TTC29: variants seen among roughly 807,000 people sequenced by gnomAD.
TTC29 encodes tetratricopeptide repeat domain 29.
In TTC29, 49 loss-of-function variants were observed where a neutral mutation model predicts 58.1. The ratio of observed to expected loss-of-function variants is 0.84; its 90% CI spans 0.67 to 1.07. The LOEUF is 1.07. TTC29 is among the 50% of genes least tolerant of loss of function. TTC29 has a pLI of 0.00. For synonymous variants in TTC29, 209 were observed against 196.8 expected, an observed-to-expected ratio of 1.06 and a Z score of -0.52; for missense variants, 582 against 555.6, an observed-to-expected ratio of 1.05 and a Z score of -0.48.
At chr4:146,876,447 T>G (rs1340005168) in intron 6 of TTC29, among the ~76,000 whole-genome samples, 1 of 152,232 alleles carries the variant, frequency 6.6e-6, no homozygotes, top group Non-Finnish European at 1.5e-5. Context: ...AGACTCAATA[T>G]CTTTCCTCAA....
At chr4:146,802,841 G>A (rs1349565804) in intron 11 of TTC29, among the ~76,000 whole-genome samples, 1 of 152,078 alleles carries the variant, frequency 6.6e-6, no homozygotes, top group East Asian at 1.9e-4. Context: ...CCATTCTAAA[G>A]TTCTTAACTG....
intron 11 of TTC29, among the ~76,000 whole-genome samples, chr4:146,717,942 G>C (rs1743059861): frequency 6.7e-6 from 1 of 149,140 alleles, no homozygotes. Flanking sequence ...CTGCTTCTTT[G>C]AGTTAGATTA....
Position 146,872,858 on chromosome 4 carries a change from A to AC in TTC29, c.799+1857dup, listed in dbSNP as rs138539953. On this transcript the variant is annotated intron_variant, in intron 7 of 12. Transcript: ENST00000325106. ...ATAAGTTGAACACAGTTATCATATA[A>AC]CCCAGCGATGCCACTCCTAAGCATA... is the stretch of plus-strand genomic sequence containing the variant. 7.3e-3 allele frequency among the ~76,000 whole-genome samples: 1,109 copies of AC among 152,186 alleles called. 15 individuals carry two copies. The highest frequency in any genetic ancestry group is 0.026 in the African/African-American group (1,061 of 41,548).
At chr4:146,820,015 C>A in intron 10 of TTC29, 110 bp downstream of exon 10, 2 of 1,434,260 alleles carry the variant, frequency 1.4e-6, no homozygotes, top group South Asian at 1.2e-5. Flanking sequence ...GGCCATTCTG[C>A]ATAATATATT....
intron 8 of TTC29, among the ~76,000 whole-genome samples, chr4:146,852,906 T>C (rs1372470809): frequency 6.6e-6 from 1 of 152,216 alleles, no homozygotes; most frequent in Non-Finnish European, 1.5e-5. Flanking sequence ...TTATAATTTA[T>C]ATGATTATTT....
In TTC29 at chr4:146,803,485, T is replaced by A. The variant is rs1045095994; in HGVS notation, c.1302A>T (p.Arg434Ser). 1 of 1,591,758 alleles carries A rather than the reference T, an allele frequency of 6.3e-7. No homozygotes were observed. The highest frequency in any genetic ancestry group is 2.3e-5 in the East Asian group (1 of 44,392). ...LNYLLSWKES[R>S]GNIEPDPVTE... ...TAACTGGATCAGGTTCAATGTTACC[T>A]CTGCTCTCCTTCCATGACAGCAGGT... Residue 434 changes from arginine (R) to serine (S), a missense_variant, in exon 11 of 13, where the codon AGA (arginine) becomes AGT (serine). Physicochemically the swap from Arg to Ser is moderately radical, Grantham distance 110. Coordinates refer to ENST00000325106, the MANE Select transcript of TTC29 (RefSeq NM_031956.4).
At chr4:146,760,865 CTA>C (rs34185770) in intron 11 of TTC29, among the ~76,000 whole-genome samples, 6,704 of 85,642 alleles carry the variant, frequency 0.078, 201 homozygotes, top group African/African-American at 0.11. Context: ...TGATGGAATA[CTA>C]TATATATATA....
intron 11 of TTC29, among the ~76,000 whole-genome samples, chr4:146,723,827 C>T (rs1743561988): frequency 6.6e-6 from 1 of 152,182 alleles, no homozygotes; most frequent in African/African-American, 2.4e-5. Flanking sequence ...GGAGATTCCT[C>T]AGAGAACTGA....
intron 6 of TTC29, among the ~76,000 whole-genome samples, chr4:146,876,038 T>C (rs1731233823): frequency 6.6e-6 from 1 of 152,162 alleles, no homozygotes; most frequent in Non-Finnish European, 1.5e-5. Flanking sequence ...CCAACCATAG[T>C]GGTTAAGAGT....
chr4:146,846,503 T>A (rs1729180754), intron 8 of TTC29, among the ~76,000 whole-genome samples: 1 of 152,172 alleles, frequency 6.6e-6, no homozygotes, highest in African/African-American at 2.4e-5. Flanking sequence ...TCCTGATAAG[T>A]ACCAAAATGA....
intron 10 of TTC29, among the ~76,000 whole-genome samples, chr4:146,805,835 C>T (rs4835339): frequency 0.062 from 9,491 of 152,098 alleles, 396 homozygotes; most frequent in Admixed American, 0.13. Context: ...ATGGGAGCAC[C>T]TCCCCAACCT....
intron 11 of TTC29, among the ~76,000 whole-genome samples, chr4:146,800,266 A>G (rs1750120443): frequency 6.6e-6 from 1 of 152,216 alleles, no homozygotes; most frequent in African/African-American, 2.4e-5. Flanking sequence ...TTTCATCTAG[A>G]GACCTGAATG....
At position 146,767,087 on chromosome 4, in the gene TTC29, C is replaced by T. The variant is rs563542884; in HGVS notation, c.1330+36370G>A. On this transcript the variant is annotated intron_variant, in intron 11 of 12. Transcript: ENST00000325106. ...TAGGTTTCCTTCGTAACACATGTCACTTCTAGCATTTGACATGAGAAAAGA... is the reference window on the plus strand; with the variant it reads ...TAGGTTTCCTTCGTAACACATGTCATTTCTAGCATTTGACATGAGAAAAGA... Among the ~76,000 whole-genome samples the T allele has an allele frequency of 3.3e-5, 5 of 152,146 alleles. No individual in the cohort carries two copies. The South Asian group carries it at 1.0e-3, about 32-fold the overall frequency.
At chr4:146,831,261 T>C (rs1728136976) in intron 9 of TTC29, among the ~76,000 whole-genome samples, 1 of 152,154 alleles carries the variant, frequency 6.6e-6, no homozygotes. Context: ...TGGGAATTCT[T>C]TTTTTAATTA....
rs559208272 is a variant in TTC29 at position 146,726,277 on chromosome 4, A to C, written c.1331-18726T>G. Reference sequence around the variant, plus strand: ...CAGACCAGCCTGGACAAATGGTGAAATCCTGTCTTTACCAAAAATTCAAAA... The same window carrying C: ...CAGACCAGCCTGGACAAATGGTGAACTCCTGTCTTTACCAAAAATTCAAAA... On this transcript the variant is annotated intron_variant, in intron 11 of 12. Transcript: ENST00000325106. Among the ~76,000 whole-genome samples, 11 of 152,182 alleles carry C rather than the reference A, an allele frequency of 7.2e-5. No homozygotes were observed. The South Asian group carries it at 2.3e-3, about 32-fold the overall frequency.
chr4:146,770,103 C>T (rs62328019), intron 11 of TTC29, among the ~76,000 whole-genome samples: 9,755 of 151,862 alleles, frequency 0.064, 435 homozygotes, highest in South Asian at 0.17. Flanking sequence ...TCCTTAGGCT[C>T]ACTTGGGGAA....
At chr4:146,924,796 C>A (rs1411402692) in intron 4 of TTC29, among the ~76,000 whole-genome samples, 1 of 151,778 alleles carries the variant, frequency 6.6e-6, no homozygotes, top group Non-Finnish European at 1.5e-5. Context: ...AAAATGAAAA[C>A]TTAGAAAATT....
chr4:146,912,800 AC>A (rs1300906485), intron 4 of TTC29, among the ~76,000 whole-genome samples: 1 of 152,064 alleles, frequency 6.6e-6, no homozygotes, highest in Non-Finnish European at 1.5e-5. Flanking sequence ...TGGGGGTGGA[AC>A]CAGGGTAAAG....
intron 4 of TTC29, among the ~76,000 whole-genome samples, chr4:146,930,198 C>G (rs947852436): frequency 1.3e-5 from 2 of 148,630 alleles, no homozygotes; most frequent in Non-Finnish European, 3.0e-5. Flanking sequence ...CAGAGAATCA[C>G]TGAAATACAA....
Sources: gnomAD v4.1 joint callset for allele counts (sites outside exome capture counted in the v4.1 genomes callset) on GRCh38, gnomAD v4.1.1 for gene constraint, MANE v1.5 for transcripts, NCBI Gene and HGNC (gene_info 2026-07-23, HGNC 2026-07-21) for gene names.